The following SMPD3 variants were observed in gnomAD, a reference collection of about 807,000 sequenced individuals.
SMPD3 encodes the protein sphingomyelin phosphodiesterase 3.
A neutral mutation model predicts 55.7 loss-of-function variants in SMPD3; 21 were observed. The observed-to-expected ratio is 0.38, with a 90% confidence interval of 0.27 to 0.54. The LOEUF is 0.54. SMPD3 is among the 20% of genes least tolerant of loss of function. SMPD3 has a pLI of 0.80. For missense variants in SMPD3, 842 were observed against 899.6 expected (o/e 0.94, Z 0.82); for synonymous variants, 457 against 404.3 (o/e 1.13, Z -1.56).
intron 2 of SMPD3, among the ~76,000 whole-genome samples, chr16:68,382,669 G>A (rs1444207463): frequency 6.6e-6 from 1 of 152,172 alleles, no homozygotes; most frequent in African/African-American, 2.4e-5. Flanking sequence ...GCCACTTAGG[G>A]AATCCTGCCT....
rs2089435431 is a variant in SMPD3 at position 68,365,035 on chromosome 16, G to A, written c.1381C>T (p.His461Tyr). 1 of 1,614,008 alleles carries A rather than the reference G, an allele frequency of 6.2e-7. No homozygotes were observed. Among genetic ancestry groups the A allele is most frequent in the African/African-American group, 1.3e-5 (1 of 74,916 alleles). ...ACCCTACCTTGCGGGGCATGCAGGT[G>A]TGTGCAGGCGATGTACCCGACGATT... ...QRIVGYIACT[H>Y]LHAPQEDSAI... Residue 461 changes from histidine to tyrosine, a missense_variant, in exon 4 of 9, where the codon CAC (histidine) becomes TAC (tyrosine). His to Tyr is a moderately conservative substitution (Grantham distance 83). Transcript: ENST00000219334.
At chr16:68,395,009 T>C (rs902972954) in intron 1 of SMPD3, among the ~76,000 whole-genome samples, 3 of 151,962 alleles carry the variant, frequency 2.0e-5, no homozygotes, top group Non-Finnish European at 2.9e-5. Context: ...AAGAGGCCCC[T>C]GTGGCATCAC....
intron 3 of SMPD3, among the ~76,000 whole-genome samples, chr16:68,365,360 C>T (rs770152430): frequency 4.6e-5 from 7 of 152,276 alleles, no homozygotes; most frequent in East Asian, 1.9e-4. Context: ...AGTGCCGAAC[C>T]GCAGCAAGGC....
At chr16:68,389,359 G>A (rs1253287504) in intron 1 of SMPD3, among the ~76,000 whole-genome samples, 1 of 152,238 alleles carries the variant, frequency 6.6e-6, no homozygotes, top group Non-Finnish European at 1.5e-5. Context: ...GGTGACCCCT[G>A]ATGGATGTGC....
intron 8 of SMPD3, 133 bp from the exon 9 acceptor site, chr16:68,361,440 G>A: frequency 7.4e-7 from 1 of 1,350,804 alleles, no homozygotes. Context: ...TCAGAGGGAT[G>A]GGGCCTGGAG....
rs547397835 is a variant in SMPD3 at position 68,443,012 on chromosome 16, T to C, written c.-269+5341A>G. On this transcript the variant is annotated intron_variant, in intron 1 of 8. Transcript: ENST00000219334. ...AATTTTTCTTAAAAGTCTAACCCCT[T>C]ATCTGAGTGTTGTACAGACTGAGGC... 8.5e-5 allele frequency among the ~76,000 whole-genome samples: 13 copies of C among 152,330 alleles called. No homozygotes were observed. In the South Asian group the frequency reaches 2.7e-3, roughly 32 times the overall value.
intron 1 of SMPD3, among the ~76,000 whole-genome samples, chr16:68,395,291 A>C (rs1356378703): frequency 6.6e-6 from 1 of 152,166 alleles, no homozygotes; most frequent in African/African-American, 2.4e-5. Flanking sequence ...GTCGAGAGGA[A>C]GGCTTTTCAG....
chr16:68,431,002 C>T (rs566834448), intron 1 of SMPD3, among the ~76,000 whole-genome samples: 24 of 152,312 alleles, frequency 1.6e-4, no homozygotes, highest in African/African-American at 5.5e-4. Context: ...TTGCCAGTCC[C>T]TGTGCAGGGA....
At chr16:68,426,991 C>CTTTTTTTTT (rs56214206) in intron 1 of SMPD3, among the ~76,000 whole-genome samples, 1 of 112,122 alleles carries the variant, frequency 8.9e-6, no homozygotes, top group African/African-American at 3.6e-5. Context: ...TCAGGTCTAT[C>CTTTTTTTTT]TTTTTTTTTT....
At chr16:68,427,752 T>G (rs1202204413) in intron 1 of SMPD3, among the ~76,000 whole-genome samples, 4 of 147,956 alleles carry the variant, frequency 2.7e-5, no homozygotes, top group East Asian at 2.0e-4. Flanking sequence ...TAAAAATGAC[T>G]GGGGGGGGGT....
intron 1 of SMPD3, among the ~76,000 whole-genome samples, chr16:68,428,128 T>G (rs1486391913): frequency 1.3e-5 from 2 of 152,166 alleles, no homozygotes; most frequent in Non-Finnish European, 2.9e-5. Flanking sequence ...GGCCTCATCC[T>G]TGGAGCAGGG....
At chr16:68,378,246 C>T (rs968762197) in intron 2 of SMPD3, among the ~76,000 whole-genome samples, 3 of 152,178 alleles carry the variant, frequency 2.0e-5, no homozygotes, top group East Asian at 1.9e-4. Flanking sequence ...GAGCTCAGGC[C>T]GGGCCATTTC....
At position 68,358,928 on chromosome 16, in the gene SMPD3, G is replaced by C. The variant is rs2089033781; in HGVS notation, c.*2278C>G. On this transcript the variant is annotated 3_prime_UTR_variant, in exon 9 of 9. Transcript: ENST00000219334. Reference sequence around the variant, plus strand: ...ACGTGGGTGGGGGGGTCCCGGTCTTGGTGCTGAGGGAGGTGTGCGGGGGCC... The same window carrying C: ...ACGTGGGTGGGGGGGTCCCGGTCTTCGTGCTGAGGGAGGTGTGCGGGGGCC... The C allele has an allele frequency of 6.6e-6, 1 of 152,644 alleles. No homozygotes were observed. The highest frequency in any genetic ancestry group is 2.4e-5 in the African/African-American group (1 of 41,466). 9.5% of individuals were successfully genotyped at this position (152,644 alleles called of 1,614,324 possible).
chr16:68,396,593 A>G (rs2090159605), intron 1 of SMPD3, among the ~76,000 whole-genome samples: 1 of 152,012 alleles, frequency 6.6e-6, no homozygotes, highest in Non-Finnish European at 1.5e-5. Flanking sequence ...GGCAGCGTAG[A>G]GCCCCCTGAG....
At chr16:68,363,966 G>T in intron 5 of SMPD3, 100 bp from the exon 6 acceptor site, 1 of 1,129,792 alleles carries the variant, frequency 8.9e-7, no homozygotes, top group Non-Finnish European at 1.3e-6. Flanking sequence ...TGTGCTGCCA[G>T]GCCCCCATCC....
intron 1 of SMPD3, among the ~76,000 whole-genome samples, chr16:68,408,172 C>G (rs1421748154): frequency 6.6e-6 from 1 of 151,964 alleles, no homozygotes; most frequent in Non-Finnish European, 1.5e-5. Context: ...ACAAAGTATG[C>G]CAATTCATGG....
rs376633911 is a variant in SMPD3 at position 68,394,533 on chromosome 16, TA to T, written c.-268-7875del. Among the ~76,000 whole-genome samples, 167 of 152,352 alleles carry T rather than the reference TA, an allele frequency of 1.1e-3. 1 individual carries two copies. The highest frequency in any genetic ancestry group is 3.8e-3 in the African/African-American group (157 of 41,576). On this transcript the variant is annotated intron_variant, in intron 1 of 8. Transcript: ENST00000219334. ...ATTTGTTCCTTCAGATTCCATCATT[TA>T]AAAAACAAATTAATTGACATTTATT...
In SMPD3 at chr16:68,359,957, CCTGGG is replaced by C. The variant is rs2089147180; in HGVS notation, c.*1244_*1248del. 6.6e-6 allele frequency: 1 copy of C among 152,516 alleles called. No homozygotes were observed. Among genetic ancestry groups the C allele is most frequent in the African/African-American group, 2.4e-5 (1 of 41,452 alleles). The allele number at this position is 152,516 out of a possible 1,614,324, so 9.4% of individuals were successfully genotyped here. ...CTTGGGTGCCAGTACCACACCCTGC[CCTGGG>C]CATGCAGCAACTGTCAGCCTTGCTG... On this transcript the variant is annotated 3_prime_UTR_variant, in exon 9 of 9. Coordinates refer to ENST00000219334, the MANE Select transcript of SMPD3 (RefSeq NM_018667.4).
At chr16:68,387,779 C>T (rs889139631) in intron 1 of SMPD3, among the ~76,000 whole-genome samples, 6 of 152,218 alleles carry the variant, frequency 3.9e-5, no homozygotes, top group Admixed American at 6.5e-5. Context: ...CTCTTCACAC[C>T]GCATCCCTTA....
Sources: gnomAD v4.1 joint callset for allele counts (sites outside exome capture counted in the v4.1 genomes callset) on GRCh38, gnomAD v4.1.1 for gene constraint, MANE v1.5 for transcripts, NCBI Gene and HGNC (gene_info 2026-07-23, HGNC 2026-07-21) for gene names.